Variants in AQP3 observed in about 807,000 individuals in gnomAD.
The protein encoded by AQP3 is aquaporin-3.
A neutral mutation model predicts 30.3 loss-of-function variants in AQP3; 15 were observed. The ratio of observed to expected loss-of-function variants is 0.49; its 90% CI spans 0.33 to 0.76. The LOEUF (loss-of-function observed/expected upper bound fraction) is 0.76, where lower values mean the gene tolerates loss of function less well. Among genes scored for constraint, AQP3 ranks in the 30% least tolerant of loss-of-function variants. The pLI, the probability that AQP3 is intolerant of heterozygous loss-of-function variation, is 0.02. For missense variants in AQP3, 272 were observed against 384.8 expected (o/e 0.71, Z 2.45); for synonymous variants, 153 against 163.2 (o/e 0.94, Z 0.47).
In AQP3 at chr9:33,442,127, G is replaced by A. The variant is rs771909436; in HGVS notation, c.795C>T (p.Ile265=). ...IAGVFVYQLM[I]GCHLEQPPPS... Reference sequence around the variant, plus strand: ...GTGGGGGCTGCTCCAGGTGGCAGCCGATCATCAGCTGGTACACGAAGACAC... The same window carrying A: ...GTGGGGGCTGCTCCAGGTGGCAGCCAATCATCAGCTGGTACACGAAGACAC... Residue 265 remains isoleucine (I), a synonymous_variant, in exon 6 of 6, where the codon ATC becomes ATT. Coordinates refer to ENST00000297991, the MANE Select transcript of AQP3 (RefSeq NM_004925.5). 1.2e-5 allele frequency: 19 copies of A among 1,613,550 alleles called. No homozygotes were observed. Among genetic ancestry groups the A allele is most frequent in the South Asian group, 4.4e-5 (4 of 91,078 alleles).
rs1238266318 is a variant in AQP3 at position 33,441,985 on chromosome 9, G to A, written c.*58C>T. 6.9e-6 allele frequency: 11 copies of A among 1,595,478 alleles called. No homozygotes were observed. Among genetic ancestry groups the A allele is most frequent in the Middle Eastern group, 1.7e-4 (1 of 5,998 alleles). Reference sequence around the variant, plus strand: ...GGGGGCTTCTTGGGAGTGGCCCTTGGACAGTCAGTGGATGCTCAAGGCCAG... The same window carrying A: ...GGGGGCTTCTTGGGAGTGGCCCTTGAACAGTCAGTGGATGCTCAAGGCCAG... On this transcript the variant is annotated 3_prime_UTR_variant, in exon 6 of 6. Transcript: ENST00000297991.
intron 1 of AQP3, among the ~76,000 whole-genome samples, chr9:33,445,723 C>A (rs1826904734): frequency 6.6e-6 from 1 of 152,168 alleles, no homozygotes; most frequent in African/African-American, 2.4e-5. Context: ...AGCACCGCCC[C>A]CTGCCCTCAC....
chr9:33,444,773 C>T (rs1289715333), intron 1 of AQP3, among the ~76,000 whole-genome samples: 2 of 152,026 alleles, frequency 1.3e-5, no homozygotes, highest in African/African-American at 4.8e-5. Context: ...ACCTCCCCTT[C>T]CTTTACCTGT....
rs773962292 is a variant in AQP3, at chr9:33,447,558, C to G, written c.-28G>C. ...CGGGGCAGGCGGCGGCGCTGTCGGG[C>G]GGGCAGGGGTGGCGGGAGGCGGTGG... On this transcript the variant is annotated 5_prime_UTR_variant, in exon 1 of 6. Coordinates refer to ENST00000297991, the MANE Select transcript of AQP3 (RefSeq NM_004925.5). The G allele has an allele frequency of 3.9e-6, 6 of 1,549,918 alleles. No individual in the cohort carries two copies. Among genetic ancestry groups the G allele is most frequent in the Non-Finnish European group, 3.5e-6 (4 of 1,139,264 alleles).
Position 33,442,321 on chromosome 9 carries a change from G to A in AQP3, c.690C>T (p.Gly230=). The change falls in exon 5 of 6, where the codon GGC becomes GGT. Residue 230 remains glycine, a synonymous_variant. Transcript: ENST00000297991. ...CTCACGTGAAGACTGCAGAGCCCCA[G>A]CCCGCAAGGGCTGTAAAAAGGCGGG... is the stretch of plus-strand genomic sequence containing the variant. The part of the protein sequence containing the change: ...FGPRLFTALA[G]WGSAVFTTGQ... The A allele has an allele frequency of 6.2e-7, 1 of 1,612,996 alleles. No individual in the cohort carries two copies.
Position 33,441,305 on chromosome 9 carries a change from A to AAAAAC in AQP3, c.*733_*737dup, listed in dbSNP as rs571167237. The stretch of plus-strand genomic sequence containing the variant: ...GACTGTAACATCTGCTACATACATT[A>AAAAAC]AAAACAAAACAAAACAAAAGCAAAC... On this transcript the variant is annotated 3_prime_UTR_variant, in exon 6 of 6. Coordinates refer to ENST00000297991, the MANE Select transcript of AQP3 (RefSeq NM_004925.5). The AAAAAC allele has an allele frequency of 8.6e-3, 1,313 of 153,376 alleles. 12 individuals are homozygous for AAAAAC. Among genetic ancestry groups the AAAAAC allele is most frequent in the Admixed American group, 0.026 (394 of 15,288 alleles). The allele number at this position is 153,376 out of a possible 1,614,324, so 9.5% of individuals were successfully genotyped here.
rs539666664 is a variant in AQP3, at chr9:33,442,358, C to T, written c.653G>A (p.Arg218Gln). 1.9e-6 allele frequency: 3 copies of T among 1,612,468 alleles called. No individual in the cohort carries two copies. Among genetic ancestry groups the T allele is most frequent in the South Asian group, 2.2e-5 (2 of 90,758 alleles). ...TGTAAAAAGGCGGGGGCCAAAGTCC[C>T]GGGCAGGGTTGACGGCATAGCCGGA... ...FNSGYAVNPARDFGPRLFTAL... is the reference protein window; with the variant it reads ...FNSGYAVNPAQDFGPRLFTAL... The change falls in exon 5 of 6, where the codon CGG becomes CAG. Residue 218 changes from arginine to glutamine, a missense_variant. Arg to Gln is a conservative substitution (Grantham distance 43, BLOSUM62 1). Around this residue, in one of 3 missense-constraint regions of AQP3, gnomAD observed 170 missense variants for 286.4 expected, o/e 0.59. Transcript: ENST00000297991.
Position 33,443,506 on chromosome 9 carries a change from G to T in AQP3, c.236-48C>A. 6.3e-7 allele frequency: 1 copy of T among 1,594,356 alleles called. No homozygotes were observed. Among genetic ancestry groups the T allele is most frequent in the South Asian group, 1.1e-5 (1 of 88,438 alleles). On this transcript the variant is annotated intron_variant, in intron 2 of 5. Transcript: ENST00000297991. The surrounding 1 kb of genome is among the most constrained non-coding windows in gnomAD (Gnocchi z 5.0). ...CTATTAGCTGCAGCCTGCCACAGTC[G>T]GCAGGCTAGGGTCCCCTGAGAAGGG...
rs1439212312 is a variant in AQP3, at chr9:33,443,110, G to A, written c.374-140C>T. ...TATTGCAGCAGGCAGAGGGGGTGGC[G>A]TGGGGTGGGGTGGAGGGCCTGAGAC... On this transcript the variant is annotated intron_variant, in intron 3 of 5. Coordinates refer to ENST00000297991, the MANE Select transcript of AQP3 (RefSeq NM_004925.5). This position sits in a 1 kb window ranked among gnomAD's most constrained non-coding sequence, Gnocchi z 5.0. 2.5e-5 allele frequency: 26 copies of A among 1,032,736 alleles called. No homozygotes were observed. The highest frequency in any genetic ancestry group is 2.8e-4 in the Middle Eastern group (1 of 3,524). 64.0% of individuals were successfully genotyped at this position (1,032,736 alleles called of 1,614,324 possible).
At chr9:33,442,751 C>A (rs933323253) in intron 4 of AQP3, 101 bp downstream of exon 4, 2 of 1,256,950 alleles carry the variant, frequency 1.6e-6, no homozygotes, top group Non-Finnish European at 2.3e-6. Flanking sequence ...ATTGGAGAAA[C>A]CCTGCTACAG....
rs372638445 is a variant in AQP3 at position 33,441,341 on chromosome 9, T to C, written c.*702A>G. 6.5e-6 allele frequency: 1 copy of C among 153,294 alleles called. No individual in the cohort carries two copies. Among genetic ancestry groups the C allele is most frequent in the South Asian group, 2.1e-4 (1 of 4,824 alleles). The allele number at this position is 153,294 out of a possible 1,614,324, so 9.5% of individuals were successfully genotyped here. The stretch of plus-strand genomic sequence containing the variant: ...AAAACAAAAGCAAACATGAAACTTA[T>C]GACCTGACTTCACTCCACCCTTCAT... On this transcript the variant is annotated 3_prime_UTR_variant, in exon 6 of 6. Coordinates refer to ENST00000297991, the MANE Select transcript of AQP3 (RefSeq NM_004925.5).
Position 33,443,662 on chromosome 9 carries a change from G to T in AQP3, c.235+104C>A. ...TCTTCTCCACCCTCCTTTCCCAAGG[G>T]GCCAAAGCAGAGGCCACAGCTGTGA... On this transcript the variant is annotated intron_variant, in intron 2 of 5. Coordinates refer to ENST00000297991, the MANE Select transcript of AQP3 (RefSeq NM_004925.5). This position sits in a 1 kb window ranked among gnomAD's most constrained non-coding sequence, Gnocchi z 5.0. The T allele has an allele frequency of 6.4e-7, 1 of 1,572,546 alleles. No individual in the cohort carries two copies. The highest frequency in any genetic ancestry group is 8.7e-7 in the Non-Finnish European group (1 of 1,147,258).
intron 1 of AQP3, among the ~76,000 whole-genome samples, chr9:33,446,091 A>G (rs72709610): frequency 0.097 from 14,807 of 152,188 alleles, 799 homozygotes; most frequent in Middle Eastern, 0.15. Flanking sequence ...AATAGAAGAC[A>G]TCATCCTCCC....
rs372363941 is a variant in AQP3 at position 33,444,417 on chromosome 9, T to G, written c.109-525A>C. Among the ~76,000 whole-genome samples the G allele has an allele frequency of 4.6e-5, 7 of 152,098 alleles. No homozygotes were observed. In the East Asian group the frequency reaches 1.2e-3, roughly 25 times the overall value. On this transcript the variant is annotated intron_variant, in intron 1 of 5. Coordinates refer to ENST00000297991, the MANE Select transcript of AQP3 (RefSeq NM_004925.5). ...GAGTTTGAGACCAGCCTGGCCAACA[T>G]AGTGAAACCCCATCTCTACTAAAAG...
intron 1 of AQP3, 136 bp from the exon 2 acceptor site, chr9:33,444,028 C>A (rs1478382539): frequency 3.5e-6 from 4 of 1,144,616 alleles, no homozygotes; most frequent in Admixed American, 5.4e-5. Flanking sequence ...AGCCCAAACC[C>A]CTTCTGCTGT....
At chr9:33,444,405 G>A (rs1826886422) in intron 1 of AQP3, among the ~76,000 whole-genome samples, 1 of 152,092 alleles carries the variant, frequency 6.6e-6, no homozygotes, top group Non-Finnish European at 1.5e-5. Context: ...TTTGAGACCA[G>A]CCTGGCCAAC....
At chr9:33,444,814 T>C (rs1019488753) in intron 1 of AQP3, among the ~76,000 whole-genome samples, 2 of 152,028 alleles carry the variant, frequency 1.3e-5, no homozygotes, top group Non-Finnish European at 2.9e-5. Flanking sequence ...TCTCCACCCA[T>C]GACCTCTCTG....
intron 1 of AQP3, among the ~76,000 whole-genome samples, chr9:33,445,116 G>GT (rs1826896472): frequency 6.6e-6 from 1 of 152,150 alleles, no homozygotes; most frequent in African/African-American, 2.4e-5. Context: ...GGGCAACATA[G>GT]TGAGACTTTG....
chr9:33,445,246 T>C (rs1177548891), intron 1 of AQP3, among the ~76,000 whole-genome samples: 1 of 152,214 alleles, frequency 6.6e-6, no homozygotes, highest in African/African-American at 2.4e-5. Context: ...CCCTCAAAGC[T>C]GCTCCAATGC....
Sources: allele counts gnomAD v4.1 joint callset (sites outside exome capture counted in the v4.1 genomes callset), GRCh38; gene constraint gnomAD v4.1.1; regional missense constraint gnomAD v4.1.1; non-coding constraint Gnocchi (gnomAD v3.1); transcripts MANE v1.5; gene names NCBI Gene and HGNC (gene_info 2026-07-23, HGNC 2026-07-21).